IL1RAPL2: variants seen among roughly 807,000 people sequenced by gnomAD.
IL1RAPL2 encodes the protein interleukin 1 receptor accessory protein like 2, also known as X-linked interleukin-1 receptor accessory protein-like 2.
Under a neutral mutation model 44.1 loss-of-function variants are expected in IL1RAPL2, and 3 were observed. That is an observed-to-expected ratio of 0.07 (90% CI 0.03 to 0.18). IL1RAPL2 has a LOEUF of 0.18. Among genes scored for constraint, IL1RAPL2 ranks in the 10% least tolerant of loss-of-function variants. The probability of loss-of-function intolerance (pLI) is 1.00; values close to 1 mark genes in which losing one functional copy is unlikely to be tolerated. For synonymous variants in IL1RAPL2, 181 were observed against 178.8 expected (o/e 1.01, Z -0.10); for missense variants, 391 against 496.4 (o/e 0.79, Z 2.02).
chrX:105,412,453 A>G, intron 5 of IL1RAPL2, among the ~76,000 whole-genome samples: 1 of 109,692 alleles, frequency 9.1e-6, no homozygotes, highest in Admixed American at 9.8e-5. Context: ...AGAAAGACAC[A>G]TACCATACCA....
chrX:104,820,320 A>C (rs1223688898), intron 2 of IL1RAPL2, among the ~76,000 whole-genome samples: 2 of 111,893 alleles, frequency 1.8e-5, no homozygotes, highest in African/African-American at 6.5e-5. Flanking sequence ...GTGAGTTTCT[A>C]GACTCCTGTG....
chrX:105,379,437 G>A (rs1275558655), intron 5 of IL1RAPL2, among the ~76,000 whole-genome samples: 1 of 109,907 alleles, frequency 9.1e-6, no homozygotes, highest in Admixed American at 9.7e-5. Flanking sequence ...TGTAAGCAAT[G>A]AAGTAAAAGT....
chrX:105,685,210 C>G (rs942631573), intron 6 of IL1RAPL2, among the ~76,000 whole-genome samples: 3 of 111,753 alleles, frequency 2.7e-5, no homozygotes, highest in Non-Finnish European at 3.8e-5. Flanking sequence ...ATGACTTTGA[C>G]GAGTTGACAG....
intron 5 of IL1RAPL2, among the ~76,000 whole-genome samples, chrX:105,334,162 A>G (rs1211401690): frequency 8.9e-6 from 1 of 112,439 alleles, no homozygotes; most frequent in African/African-American, 3.2e-5. Context: ...TAGTACATAT[A>G]CAAAATGGAG....
chrX:104,725,735 G>GT (rs1314425463), intron 2 of IL1RAPL2, among the ~76,000 whole-genome samples: 1 of 111,508 alleles, frequency 9.0e-6, no homozygotes, highest in African/African-American at 3.3e-5. Flanking sequence ...GGGGTTGTAT[G>GT]TTTTTTTCTT....
chrX:105,061,837 T>G (rs2032078469), intron 2 of IL1RAPL2, among the ~76,000 whole-genome samples: 1 of 112,270 alleles, frequency 8.9e-6, no homozygotes, highest in Admixed American at 9.4e-5. Context: ...CTATTTTGTC[T>G]GATACAAGGA....
intron 6 of IL1RAPL2, among the ~76,000 whole-genome samples, chrX:105,628,428 G>C (rs2147834130): frequency 9.0e-6 from 1 of 110,511 alleles, no homozygotes; most frequent in Admixed American, 9.7e-5. Context: ...GTTGTTAAAA[G>C]ATAATTTTAC....
intron 1 of IL1RAPL2, among the ~76,000 whole-genome samples, 169 bp downstream of exon 1, chrX:104,567,220 C>T (rs1012418459): frequency 1.8e-5 from 2 of 112,943 alleles, no homozygotes; most frequent in African/African-American, 6.4e-5. Flanking sequence ...TTCCTTTAGC[C>T]TTCCCAGAAA....
At chrX:105,175,112 G>A (rs547827773) in intron 2 of IL1RAPL2, among the ~76,000 whole-genome samples, 2 of 111,235 alleles carry the variant, frequency 1.8e-5, no homozygotes, top group African/African-American at 6.5e-5. Context: ...TTAAAGCAGT[G>A]CTTAATACAC....
At chrX:104,819,602 C>G (rs1921244072) in intron 2 of IL1RAPL2, among the ~76,000 whole-genome samples, 1 of 111,752 alleles carries the variant, frequency 8.9e-6, no homozygotes, top group African/African-American at 3.3e-5. Flanking sequence ...ATGGGTAGAT[C>G]TAGTTCTGTT....
chrX:104,805,558 G>T (rs1297746410), intron 2 of IL1RAPL2, among the ~76,000 whole-genome samples: 1 of 111,509 alleles, frequency 9.0e-6, no homozygotes, highest in African/African-American at 3.3e-5. Context: ...CCTGGGCTTG[G>T]TAAATGTTTG....
intron 5 of IL1RAPL2, among the ~76,000 whole-genome samples, chrX:105,375,489 C>T (rs964546565): frequency 6.3e-5 from 7 of 111,623 alleles, no homozygotes; most frequent in East Asian, 5.6e-4. Flanking sequence ...CCAGCATGGG[C>T]GACAGAGCGA....
At chrX:105,665,058 G>A (rs950768101) in intron 6 of IL1RAPL2, among the ~76,000 whole-genome samples, 2 of 111,974 alleles carry the variant, frequency 1.8e-5, no homozygotes, top group Admixed American at 9.5e-5. Context: ...TATAAAATAT[G>A]TGCTAACTGA....
chrX:105,059,794 G>C (rs2032049250), intron 2 of IL1RAPL2, among the ~76,000 whole-genome samples: 1 of 112,090 alleles, frequency 8.9e-6, no homozygotes, highest in South Asian at 3.7e-4. Context: ...CTCCCAAAGT[G>C]CTGGGATTAC....
chrX:105,363,310 TATATA>T (rs2035267058), intron 5 of IL1RAPL2, among the ~76,000 whole-genome samples: 1 of 73,866 alleles, frequency 1.4e-5, no homozygotes, highest in African/African-American at 6.3e-5. Flanking sequence ...ATATATATAA[TATATA>T]TATATATATA....
At chrX:104,768,530 G>C (rs1932592198) in intron 2 of IL1RAPL2, among the ~76,000 whole-genome samples, 1 of 111,411 alleles carries the variant, frequency 9.0e-6, no homozygotes, top group Admixed American at 9.6e-5. Context: ...CTGGACATCT[G>C]ATACTTATGC....
chrX:104,615,259 A>C (rs895344087), intron 1 of IL1RAPL2, among the ~76,000 whole-genome samples: 1 of 111,605 alleles, frequency 9.0e-6, no homozygotes, highest in Admixed American at 9.5e-5. Flanking sequence ...CATGTACAGG[A>C]TGTGTAGGTT....
chrX:105,355,803 A>G (rs1169767153), intron 5 of IL1RAPL2, among the ~76,000 whole-genome samples: 1 of 111,649 alleles, frequency 9.0e-6, no homozygotes, highest in Non-Finnish European at 1.9e-5. Context: ...CACCACACAC[A>G]TAGGCTGCTG....
chrX:105,653,066 T>G (rs1420531675), intron 6 of IL1RAPL2, among the ~76,000 whole-genome samples: 4 of 111,647 alleles, frequency 3.6e-5, no homozygotes, highest in African/African-American at 1.3e-4. Flanking sequence ...TTGTTCACAA[T>G]ATAGATAGGA....
Sources: gnomAD v4.1 joint callset for allele counts (sites outside exome capture counted in the v4.1 genomes callset) on GRCh38, gnomAD v4.1.1 for gene constraint, MANE v1.5 for transcripts, NCBI Gene and HGNC (gene_info 2026-07-23, HGNC 2026-07-21) for gene names.